Variants in AGBL4 observed in about 807,000 individuals in gnomAD.
The protein encoded by AGBL4 is cytosolic carboxypeptidase 6.
A neutral mutation model predicts 66.4 loss-of-function variants in AGBL4; 58 were observed. The ratio of observed to expected loss-of-function variants is 0.87; its 90% confidence interval spans 0.71 to 1.09. The LOEUF (loss-of-function observed/expected upper bound fraction) is 1.09. Among genes scored for constraint, AGBL4 ranks in the 50% least tolerant of loss-of-function variants. The pLI is 0.00. For synonymous variants in AGBL4, 234 were observed against 222.9 expected (o/e 1.05, Z -0.44); for missense variants, 579 against 631.0 (o/e 0.92, Z 0.88).
At chr1:49,691,398 G>T in intron 3 of AGBL4, 1 of 155,980 alleles carries the variant, frequency 6.4e-6, no homozygotes, top group Non-Finnish European at 1.4e-5. Context: ...GAAACAGAGG[G>T]ACAGGTGTGC....
intron 2 of AGBL4, among the ~76,000 whole-genome samples, chr1:49,716,079 T>C (rs940766162): frequency 1.3e-5 from 2 of 152,132 alleles, no homozygotes; most frequent in Admixed American, 1.3e-4. Flanking sequence ...GTTTTTATGG[T>C]TTTAGGTCTT....
intron 2 of AGBL4, chr1:49,845,782 G>A (rs4926833): frequency 0.64 from 991,115 of 1,560,066 alleles, 318,255 homozygotes; most frequent in African/African-American, 0.77. Flanking sequence ...CTTCAGCCAC[G>A]GCTCCTCACT....
At chr1:49,181,721 C>T (rs1322500762) in intron 4 of AGBL4, among the ~76,000 whole-genome samples, 1 of 152,192 alleles carries the variant, frequency 6.6e-6, no homozygotes, top group Non-Finnish European at 1.5e-5. Context: ...AGAATAACAA[C>T]CTGCTTAGTT....
At chr1:49,570,007 A>G (rs546718065) in intron 3 of AGBL4, among the ~76,000 whole-genome samples, 29 of 152,156 alleles carry the variant, frequency 1.9e-4, no homozygotes, top group African/African-American at 6.7e-4. Context: ...GGTTGATTCC[A>G]TTTCTTTGTT....
intron 1 of AGBL4, among the ~76,000 whole-genome samples, chr1:49,899,776 C>T (rs572379035): frequency 1.3e-5 from 2 of 152,266 alleles, no homozygotes; most frequent in South Asian, 2.1e-4. Flanking sequence ...CACAGTGGCT[C>T]ATGTATGGAA....
At chr1:48,741,104 T>C (rs1649848193) in intron 6 of AGBL4, among the ~76,000 whole-genome samples, 1 of 152,170 alleles carries the variant, frequency 6.6e-6, no homozygotes, top group Non-Finnish European at 1.5e-5. Context: ...CCATCAGCCT[T>C]CAAGGCAAGG....
chr1:48,590,830 T>A lies in AGBL4; in HGVS notation c.1104+3A>T. 6.3e-7 allele frequency: 1 copy of A among 1,596,310 alleles called. No individual in the cohort carries two copies. The highest frequency in any genetic ancestry group is 1.3e-5 in the African/African-American group (1 of 74,678). ...GCTGGCTGAGAGAGAACTCCTGGCT[T>A]ACATAGGAGAAGTCCTCAGCATTCT... is the stretch of plus-strand genomic sequence containing the variant. On this transcript the variant is annotated splice_donor_region_variant and intron_variant, in intron 10 of 13. Transcript: ENST00000371839.
chr1:48,687,165 C>A (rs572452019), intron 6 of AGBL4, among the ~76,000 whole-genome samples: 133 of 152,238 alleles, frequency 8.7e-4, no homozygotes, highest in African/African-American at 3.0e-3. Flanking sequence ...AGAAGAGAAC[C>A]AGACCAATGT....
chr1:48,787,144 T>C (rs1040867307), intron 6 of AGBL4, among the ~76,000 whole-genome samples: 3 of 152,162 alleles, frequency 2.0e-5, no homozygotes, highest in African/African-American at 7.2e-5. Flanking sequence ...ACCCAGGCCA[T>C]GTGACTCTAG....
chr1:49,536,777 A>C (rs1651620660), intron 3 of AGBL4, among the ~76,000 whole-genome samples: 1 of 152,176 alleles, frequency 6.6e-6, no homozygotes, highest in Admixed American at 6.6e-5. Context: ...ATCTTTTAAA[A>C]AGATGACAGA....
intron 5 of AGBL4, among the ~76,000 whole-genome samples, chr1:48,975,375 T>C (rs1659234679): frequency 6.6e-6 from 1 of 152,086 alleles, no homozygotes; most frequent in Non-Finnish European, 1.5e-5. Flanking sequence ...TTGCGCTGGT[T>C]TGGACCTTAT....
intron 2 of AGBL4, among the ~76,000 whole-genome samples, chr1:49,725,259 GGTGGAGCACT>G (rs1648925934): frequency 6.6e-6 from 1 of 152,072 alleles, no homozygotes; most frequent in Admixed American, 6.6e-5. Context: ...CATAACATTT[GGTGGAGCACT>G]GTAAGCTTAG....
At chr1:48,611,806 G>A (rs1309899675) in intron 9 of AGBL4, among the ~76,000 whole-genome samples, 2 of 152,206 alleles carry the variant, frequency 1.3e-5, no homozygotes, top group Non-Finnish European at 1.5e-5. Flanking sequence ...TTTGTGTGCC[G>A]CTTCGGATCT....
chr1:49,075,807 A>T (rs1445662582), intron 4 of AGBL4, among the ~76,000 whole-genome samples: 1 of 152,208 alleles, frequency 6.6e-6, no homozygotes, highest in Non-Finnish European at 1.5e-5. Flanking sequence ...TTGCATATCA[A>T]ATTCCTAGAA....
intron 6 of AGBL4, among the ~76,000 whole-genome samples, chr1:48,835,600 T>C (rs1227018345): frequency 1.3e-5 from 2 of 152,114 alleles, no homozygotes; most frequent in Admixed American, 6.6e-5. Flanking sequence ...AAAGCAAGAA[T>C]GTTACAGTAA....
chr1:49,062,587 G>A (rs1426800268), intron 4 of AGBL4, among the ~76,000 whole-genome samples: 2 of 152,184 alleles, frequency 1.3e-5, no homozygotes, highest in African/African-American at 4.8e-5. Flanking sequence ...AAAGGAAGGT[G>A]GAGGCCATAG....
chr1:49,672,287 G>C (rs1646492125), intron 3 of AGBL4, among the ~76,000 whole-genome samples: 1 of 147,810 alleles, frequency 6.8e-6, no homozygotes, highest in African/African-American at 2.5e-5. Context: ...TAAATGATAA[G>C]AACATATAAA....
intron 3 of AGBL4, among the ~76,000 whole-genome samples, chr1:49,381,229 A>C (rs1644599682): frequency 6.6e-6 from 1 of 152,220 alleles, no homozygotes; most frequent in Non-Finnish European, 1.5e-5. Context: ...TATGCAGCCA[A>C]AAAACACATG....
chr1:48,590,710 A>C lies in AGBL4; in HGVS notation c.1104+123T>G, dbSNP rs1348880281. 2.7e-6 allele frequency: 3 copies of C among 1,118,998 alleles called. No homozygotes were observed. The African/African-American group carries it at 4.7e-5, about 18-fold the overall frequency. The allele number at this position is 1,118,998 out of a possible 1,614,324, so 69.3% of individuals were successfully genotyped here. A position where few individuals can be genotyped will look rare whatever the true frequency, so the allele number is the denominator to read the frequency against. ...GTTTACCTCTATCTTCATCACCCAC[A>C]CAATACCTAACACAGAGTTAGGTGT... On this transcript the variant is annotated intron_variant, in intron 10 of 13. Transcript: ENST00000371839.
Sources: gnomAD v4.1 joint callset for allele counts (sites outside exome capture counted in the v4.1 genomes callset) on GRCh38, gnomAD v4.1.1 for gene constraint, MANE v1.5 for transcripts, NCBI Gene and HGNC (gene_info 2026-07-23, HGNC 2026-07-21) for gene names.